Variants in PLSCR1 observed in about 807,000 individuals in gnomAD.
PLSCR1 encodes phospholipid scramblase 1.
Under a neutral mutation model 37.8 loss-of-function variants are expected in PLSCR1, and 17 were observed. The observed-to-expected ratio is 0.45, with a 90% CI of 0.31 to 0.68. PLSCR1 has a LOEUF of 0.68. Among genes scored for constraint, PLSCR1 ranks in the 30% least tolerant of loss-of-function variants. PLSCR1 has a pLI of 0.06. For synonymous variants in PLSCR1, 116 were observed against 125.9 expected, an observed-to-expected ratio of 0.92 and a Z score of 0.53; for missense variants, 347 against 380.9, an observed-to-expected ratio of 0.91 and a Z score of 0.74.
At chr3:146,544,123 T>A (rs574598783) in intron 1 of PLSCR1, among the ~76,000 whole-genome samples, 23 of 152,216 alleles carry the variant, frequency 1.5e-4, no homozygotes, top group African/African-American at 5.5e-4. Context: ...TGTAAAGCAG[T>A]GTAGCTAAGG....
chr3:146,524,759 T>C (rs1173001800), intron 5 of PLSCR1, among the ~76,000 whole-genome samples: 2 of 152,206 alleles, frequency 1.3e-5, no homozygotes, highest in African/African-American at 2.4e-5. Flanking sequence ...TTCAATGTAA[T>C]AGATGACAAT....
intron 7 of PLSCR1, among the ~76,000 whole-genome samples, chr3:146,520,509 A>G (rs1269976071): frequency 2.0e-5 from 3 of 152,170 alleles, no homozygotes; most frequent in Admixed American, 2.0e-4. Flanking sequence ...TACACACATT[A>G]TATAATCCCC....
At chr3:146,542,292 C>T (rs184753305) in intron 1 of PLSCR1, among the ~76,000 whole-genome samples, 1 of 152,124 alleles carries the variant, frequency 6.6e-6, no homozygotes, top group Non-Finnish European at 1.5e-5. Flanking sequence ...CACCAACCCA[C>T]TCACCCACAC....
At chr3:146,528,481 T>C (rs2044148782) in intron 4 of PLSCR1, 133 bp downstream of exon 4, 1 of 713,488 alleles carries the variant, frequency 1.4e-6, no homozygotes, top group South Asian at 1.7e-5. Context: ...CCTAGAAGAA[T>C]TAGAGTAATC....
chr3:146,523,886 G>A (rs1251458715), intron 5 of PLSCR1, among the ~76,000 whole-genome samples: 2 of 152,164 alleles, frequency 1.3e-5, no homozygotes, highest in African/African-American at 2.4e-5. Flanking sequence ...TCAGTAACTG[G>A]GGTCATAGAT....
intron 7 of PLSCR1, among the ~76,000 whole-genome samples, chr3:146,518,064 T>C (rs2043970630): frequency 6.6e-6 from 1 of 152,236 alleles, no homozygotes; most frequent in African/African-American, 2.4e-5. Context: ...ACATCTAATA[T>C]GAAGCTGATA....
intron 5 of PLSCR1, among the ~76,000 whole-genome samples, chr3:146,523,482 T>C (rs2044062101): frequency 6.6e-6 from 1 of 152,210 alleles, no homozygotes; most frequent in Non-Finnish European, 1.5e-5. Flanking sequence ...AAACCTTACT[T>C]ATGTCTTATT....
At chr3:146,542,121 T>A (rs1311837062) in intron 1 of PLSCR1, among the ~76,000 whole-genome samples, 2 of 152,250 alleles carry the variant, frequency 1.3e-5, no homozygotes, top group African/African-American at 4.8e-5. Flanking sequence ...CAGTAGTACA[T>A]GCTATACAGG....
At chr3:146,530,816 G>C (rs2044186881) in intron 3 of PLSCR1, among the ~76,000 whole-genome samples, 1 of 152,160 alleles carries the variant, frequency 6.6e-6, no homozygotes, top group South Asian at 2.1e-4. Flanking sequence ...ATTATGATTG[G>C]CAAGTACTGG....
intron 5 of PLSCR1, among the ~76,000 whole-genome samples, chr3:146,523,977 A>G (rs1239265889): frequency 6.6e-6 from 1 of 152,112 alleles, no homozygotes; most frequent in African/African-American, 2.4e-5. Flanking sequence ...ATGTGGAAAG[A>G]CTCTGAGTCG....
At chr3:146,527,472 T>C (rs1186349767) in intron 4 of PLSCR1, among the ~76,000 whole-genome samples, 3 of 152,180 alleles carry the variant, frequency 2.0e-5, no homozygotes, top group Non-Finnish European at 4.4e-5. Context: ...TTATTATGTG[T>C]CAAAAACAAT....
At chr3:146,538,009 C>T (rs1427730676) in intron 1 of PLSCR1, 1 of 152,080 alleles carries the variant, frequency 6.6e-6, no homozygotes, top group Admixed American at 6.6e-5. Flanking sequence ...AGAAGTTCAG[C>T]AATGGTTGAA....
At chr3:146,524,257 T>A (rs1708013203) in intron 5 of PLSCR1, among the ~76,000 whole-genome samples, 1 of 152,238 alleles carries the variant, frequency 6.6e-6, no homozygotes, top group African/African-American at 2.4e-5. Context: ...TTTCTTTTCA[T>A]TTACTTTAAA....
intron 1 of PLSCR1, among the ~76,000 whole-genome samples, chr3:146,543,688 T>C (rs556226118): frequency 6.6e-6 from 1 of 152,330 alleles, no homozygotes; most frequent in Non-Finnish European, 1.5e-5. Flanking sequence ...ATATTTAAAA[T>C]AATAAGAGCT....
Position 146,544,304 on chromosome 3 carries a change from C to A in PLSCR1, c.-14+163G>T, listed in dbSNP as rs7616011. Among the ~76,000 whole-genome samples the A allele has an allele frequency of 8.8e-3, 1,335 of 152,246 alleles. 18 individuals are homozygous for A. Among genetic ancestry groups the A allele is most frequent in the African/African-American group, 0.03 (1,241 of 41,556 alleles). On this transcript the variant is annotated intron_variant, in intron 1 of 8. Coordinates refer to ENST00000342435, the MANE Select transcript of PLSCR1 (RefSeq NM_021105.3). Reference sequence around the variant, plus strand: ...GCATTTCTGGCCCCAACCTTCACCCCACATCCTCCACCCCCAGAGCAGCAA... The same window carrying A: ...GCATTTCTGGCCCCAACCTTCACCCAACATCCTCCACCCCCAGAGCAGCAA...
rs777849188 is a variant in PLSCR1, at chr3:146,533,577, T to A, written c.14-27A>T. ...TGCAATTCAAGGAGAGGTAAATAGATGTCTGATTAAATAAAATATATATTA... is the reference window on the plus strand; with the variant it reads ...TGCAATTCAAGGAGAGGTAAATAGAAGTCTGATTAAATAAAATATATATTA... On this transcript the variant is annotated intron_variant, in intron 2 of 8. Coordinates refer to ENST00000342435, the MANE Select transcript of PLSCR1 (RefSeq NM_021105.3). 3.8e-6 allele frequency: 5 copies of A among 1,330,560 alleles called. No individual in the cohort carries two copies. In the South Asian group the frequency reaches 6.1e-5, roughly 16 times the overall value. 82.4% of individuals were successfully genotyped at this position (1,330,560 alleles called of 1,614,324 possible).
chr3:146,517,742 T>C (rs944700682), intron 7 of PLSCR1, among the ~76,000 whole-genome samples: 7 of 152,064 alleles, frequency 4.6e-5, no homozygotes, highest in African/African-American at 1.7e-4. Context: ...GGATAACTAG[T>C]GGGGTGTGAA....
Position 146,519,420 on chromosome 3 carries a change from T to C in PLSCR1, c.738+2124A>G, listed in dbSNP as rs190641609. On this transcript the variant is annotated intron_variant, in intron 7 of 8. Transcript: ENST00000342435. Reference sequence around the variant, plus strand: ...GGCAGGAATTCAGATTTCAAGCTCATAGACAGAGCTGACTTGGTATGTCAG... The same window carrying C: ...GGCAGGAATTCAGATTTCAAGCTCACAGACAGAGCTGACTTGGTATGTCAG... Among the ~76,000 whole-genome samples the C allele has an allele frequency of 4.4e-4, 67 of 152,230 alleles. No individual in the cohort carries two copies. In the South Asian group the frequency reaches 7.5e-3, roughly 17 times the overall value.
chr3:146,540,159 A>G (rs1482485983), intron 1 of PLSCR1, among the ~76,000 whole-genome samples: 1 of 152,236 alleles, frequency 6.6e-6, no homozygotes, highest in East Asian at 1.9e-4. Flanking sequence ...TGCTGTACCA[A>G]AAAATGTAAT....
Sources: allele counts gnomAD v4.1 joint callset (sites outside exome capture counted in the v4.1 genomes callset), GRCh38; gene constraint gnomAD v4.1.1; transcripts MANE v1.5; gene names NCBI Gene and HGNC (gene_info 2026-07-23, HGNC 2026-07-21).